Variants in MPP7 observed in about 807,000 individuals in gnomAD.
MPP7 encodes the protein MAGUK p55 scaffold protein 7.
Under a neutral mutation model 76.5 loss-of-function variants are expected in MPP7, and 60 were observed. The observed-to-expected ratio is 0.78, with a 90% CI of 0.64 to 0.97. The LOEUF is 0.97. Among genes scored for constraint, MPP7 ranks in the 50% least tolerant of loss-of-function variants. The probability of loss-of-function intolerance (pLI) is 0.00; values close to 1 mark genes in which losing one functional copy is unlikely to be tolerated. For missense variants in MPP7, 641 were observed against 694.0 expected (o/e 0.92, Z 0.86); for synonymous variants, 237 against 244.5 (o/e 0.97, Z 0.29).
chr10:28,113,510 C>A (rs1834568842), intron 11 of MPP7, among the ~76,000 whole-genome samples: 2 of 152,146 alleles, frequency 1.3e-5, no homozygotes, highest in South Asian at 4.1e-4. Context: ...GGAAACAGGT[C>A]AGACAAGAGC....
chr10:28,158,967 G>A (rs1424438355), intron 3 of MPP7, among the ~76,000 whole-genome samples: 1 of 152,050 alleles, frequency 6.6e-6, no homozygotes. Flanking sequence ...GGGGAGTAGG[G>A]GTAAAAGGAG....
intron 2 of MPP7, among the ~76,000 whole-genome samples, chr10:28,220,236 G>A (rs942263569): frequency 9.2e-5 from 14 of 152,094 alleles, no homozygotes; most frequent in Admixed American, 5.9e-4. Flanking sequence ...ATAGTCTGTA[G>A]CTCTGCACAA....
At chr10:28,274,453 C>T (rs1840430160) in intron 1 of MPP7, among the ~76,000 whole-genome samples, 1 of 152,092 alleles carries the variant, frequency 6.6e-6, no homozygotes, top group Non-Finnish European at 1.5e-5. Flanking sequence ...AAACTCTGCC[C>T]ATATTCTTCA....
intron 6 of MPP7, 32 bp from the exon 7 acceptor site, chr10:28,125,123 G>A (rs1188023255): frequency 3.9e-6 from 6 of 1,537,594 alleles, no homozygotes; most frequent in Non-Finnish European, 5.4e-6. Flanking sequence ...GCATTTGTGG[G>A]TAAATGTGTG....
At chr10:28,093,443 C>CAT in intron 11 of MPP7, among the ~76,000 whole-genome samples, 1 of 138,596 alleles carries the variant, frequency 7.2e-6, no homozygotes, top group African/African-American at 2.6e-5. Flanking sequence ...TTTTACTTTC[C>CAT]TTTTTTTTTT....
intron 11 of MPP7, among the ~76,000 whole-genome samples, chr10:28,115,092 GTTTTGTTTTTTGT>G (rs1216038794): frequency 2.0e-5 from 3 of 148,524 alleles, no homozygotes; most frequent in African/African-American, 7.5e-5. Flanking sequence ...TTGTTTGTTT[GTTTTGTTTTTTGT>G]TTTTGTTTTT....
chr10:28,056,657 C>A lies in MPP7; in HGVS notation c.1408-34G>T, dbSNP rs1159026581. 7.3e-6 allele frequency: 11 copies of A among 1,513,942 alleles called. No homozygotes were observed. In the East Asian group the frequency reaches 2.7e-4, roughly 38 times the overall value. 93.8% of individuals were successfully genotyped at this position (1,513,942 alleles called of 1,614,324 possible). On this transcript the variant is annotated intron_variant, in intron 15 of 16. Transcript: ENST00000683449. ...AAGAAAAGAAAGTTTTCTCACATTT[C>A]TCCATAGCATCATGAATTACTGAAT...
At chr10:28,206,982 T>C (rs1426463884) in intron 2 of MPP7, among the ~76,000 whole-genome samples, 2 of 152,166 alleles carry the variant, frequency 1.3e-5, no homozygotes, top group Admixed American at 1.3e-4. Context: ...TCAGGTGGCC[T>C]CTAAAACCAT....
At chr10:28,273,264 G>A (rs990820690) in intron 1 of MPP7, among the ~76,000 whole-genome samples, 3 of 152,146 alleles carry the variant, frequency 2.0e-5, no homozygotes, top group Non-Finnish European at 4.4e-5. Context: ...AGTATTAACA[G>A]TTCAAAAGCA....
intron 1 of MPP7, among the ~76,000 whole-genome samples, chr10:28,292,302 T>C (rs1427972326): frequency 6.6e-6 from 1 of 152,084 alleles, no homozygotes; most frequent in Non-Finnish European, 1.5e-5. Context: ...CCCTGTTAAG[T>C]GATGCATAGT....
chr10:28,251,386 C>T (rs1176851873), intron 1 of MPP7, among the ~76,000 whole-genome samples: 3 of 151,810 alleles, frequency 2.0e-5, no homozygotes, highest in Non-Finnish European at 4.4e-5. Context: ...TGCTTGAACC[C>T]GGGAGGCGGA....
upstream of MPP7, among the ~76,000 whole-genome samples, chr10:28,307,334 T>C (rs969363989): frequency 1.3e-5 from 2 of 152,212 alleles, no homozygotes; most frequent in African/African-American, 4.8e-5. Flanking sequence ...CAAGTTGCCA[T>C]TCTTGTTCAG....
At chr10:28,193,872 C>T (rs1177569376) in intron 3 of MPP7, among the ~76,000 whole-genome samples, 1 of 55,954 alleles carries the variant, frequency 1.8e-5, no homozygotes, top group East Asian at 6.5e-4. Flanking sequence ...ACTAGAATGG[C>T]TAAAATTAAA....
intron 11 of MPP7, chr10:28,118,226 T>C (rs1458190503): frequency 3.0e-6 from 3 of 985,194 alleles, no homozygotes; most frequent in South Asian, 4.7e-5. Flanking sequence ...TATGCATCTA[T>C]ATAGAAACCA....
intron 2 of MPP7, among the ~76,000 whole-genome samples, chr10:28,318,721 C>G (rs1231633020): frequency 1.3e-5 from 2 of 152,036 alleles, no homozygotes; most frequent in Non-Finnish European, 2.9e-5. Flanking sequence ...TAGGATTATT[C>G]TTGTGAAAGT....
chr10:28,118,454 A>G, intron 11 of MPP7: 1 of 985,036 alleles, frequency 1.0e-6, no homozygotes, highest in Non-Finnish European at 1.2e-6. Flanking sequence ...ATCTTATCCC[A>G]CATATGCCAA....
chr10:28,190,770 A>G (rs1011298824), intron 3 of MPP7, among the ~76,000 whole-genome samples: 1 of 152,102 alleles, frequency 6.6e-6, no homozygotes, highest in African/African-American at 2.4e-5. Context: ...AAGAGCAAGT[A>G]GAAGAAAAGA....
chr10:28,083,660 C>T (rs1394904427), intron 12 of MPP7, among the ~76,000 whole-genome samples: 4 of 151,612 alleles, frequency 2.6e-5, no homozygotes, highest in Admixed American at 2.6e-4. Context: ...GCCTCAGCCT[C>T]CCGAGTAGCT....
intron 11 of MPP7, among the ~76,000 whole-genome samples, chr10:28,111,086 A>C (rs1834491672): frequency 6.6e-6 from 1 of 152,162 alleles, no homozygotes; most frequent in South Asian, 2.1e-4. Context: ...TAGACTATGC[A>C]GGGTAACTTA....
Sources: gnomAD v4.1 joint callset for allele counts (sites outside exome capture counted in the v4.1 genomes callset) on GRCh38, gnomAD v4.1.1 for gene constraint, MANE v1.5 for transcripts, NCBI Gene and HGNC (gene_info 2026-07-23, HGNC 2026-07-21) for gene names.